RANBP3: variants seen among roughly 807,000 people sequenced by gnomAD.
The protein encoded by RANBP3 is ran-binding protein 3.
Under a neutral mutation model 77.3 loss-of-function variants are expected in RANBP3, and 14 were observed. The observed-to-expected ratio is 0.18, with a 90% CI of 0.12 to 0.28. The LOEUF (loss-of-function observed/expected upper bound fraction) is 0.28, where lower values mean the gene tolerates loss of function less well. Ranked by LOEUF, RANBP3 falls within the 10% of genes least tolerant of loss-of-function variation. The pLI, the probability that RANBP3 is intolerant of heterozygous loss-of-function variation, is 1.00. For missense variants in RANBP3, 586 were observed against 752.3 expected (o/e 0.78, Z 2.59); for synonymous variants, 315 against 312.4 (o/e 1.01, Z -0.09).
intron 3 of RANBP3, among the ~76,000 whole-genome samples, chr19:5,947,476 C>A (rs1009321122): frequency 6.6e-6 from 1 of 152,198 alleles, no homozygotes; most frequent in Non-Finnish European, 1.5e-5. Flanking sequence ...CTAGACTCTA[C>A]TGCTGCGAGG....
intron 5 of RANBP3, chr19:5,935,829 G>A (rs1341206166): frequency 2.2e-6 from 1 of 456,622 alleles, no homozygotes. Flanking sequence ...ATTCCTTCCA[G>A]AAATTTTCTT....
chr19:5,927,933 A>G (rs1233782128), intron 9 of RANBP3, 35 bp downstream of exon 9: 1 of 1,579,060 alleles, frequency 6.3e-7, no homozygotes, highest in Non-Finnish European at 8.6e-7. Context: ...GGGAAGGCAT[A>G]AAAAGTCAAT....
rs1343714521 is a variant in RANBP3 at position 5,917,201 on chromosome 19, C to G, written c.*409G>C. ...CAGGGGCAGAGGGCTGGCTGCTCCC[C>G]ACAAAGGCAGGGCCCCACAGCAGGG... On this transcript the variant is annotated 3_prime_UTR_variant, in exon 17 of 17. Transcript: ENST00000340578. The G allele has an allele frequency of 3.4e-6, 1 of 290,194 alleles. No individual in the cohort carries two copies. Among genetic ancestry groups the G allele is most frequent in the African/African-American group, 2.3e-5 (1 of 44,086 alleles). The allele number at this position is 290,194 out of a possible 1,614,324, so 18.0% of individuals were successfully genotyped here.
rs201076938 is a variant in RANBP3, at chr19:5,917,852, G to A, written c.1602C>T (p.Asn534=). 1.2e-5 allele frequency: 20 copies of A among 1,612,834 alleles called. No individual in the cohort carries two copies. The East Asian group carries it at 1.6e-4, about 13-fold the overall frequency. Residue 534 remains asparagine, a synonymous_variant, in exon 16 of 17, where the codon AAC becomes AAT. Transcript: ENST00000340578. ...PAPEPGAAPS[N]EEDDSDDDDV... ...CGTCATCGTCGCTGTCGTCCTCCTCGTTGGATGGGGCTGCCCCAGGCTCAG... is the reference window on the plus strand; with the variant it reads ...CGTCATCGTCGCTGTCGTCCTCCTCATTGGATGGGGCTGCCCCAGGCTCAG...
chr19:5,926,275 G>C (rs967184749), intron 9 of RANBP3, among the ~76,000 whole-genome samples: 1 of 152,142 alleles, frequency 6.6e-6, no homozygotes, highest in Middle Eastern at 3.2e-3. Flanking sequence ...GGCTGGGCGC[G>C]GTGGCTCGTG....
chr19:5,957,899 G>C lies in RANBP3; in HGVS notation c.78+19C>G. 1 of 1,613,338 alleles carries C rather than the reference G, an allele frequency of 6.2e-7. No homozygotes were observed. The highest frequency in any genetic ancestry group is 8.5e-7 in the Non-Finnish European group (1 of 1,179,382). ...AAATTAGAGTAACGAAGTGAAGAGA[G>C]AACGTACCGGCCCCTTACCTTTTGT... On this transcript the variant is annotated intron_variant, in intron 2 of 16. Coordinates refer to ENST00000340578, the MANE Select transcript of RANBP3 (RefSeq NM_007322.3).
intron 16 of RANBP3, 42 bp downstream of exon 16, chr19:5,917,752 A>T (rs1247516992): frequency 6.3e-7 from 1 of 1,586,894 alleles, no homozygotes; most frequent in East Asian, 2.3e-5. Context: ...GATGGCGGGC[A>T]GCTCTTTCTA....
Position 5,959,472 on chromosome 19 carries a change from G to A in RANBP3, c.23-1499C>T, listed in dbSNP as rs768684052. Among the ~76,000 whole-genome samples the A allele has an allele frequency of 1.3e-5, 2 of 151,976 alleles. No individual in the cohort carries two copies. Among genetic ancestry groups the A allele is most frequent in the South Asian group, 2.1e-4 (1 of 4,826 alleles). Reference sequence around the variant, plus strand: ...CCCCCACCATGCTCCCCGAAGCCTCGGCACACCAGGGTCTGATTCACCGTG... The same window carrying A: ...CCCCCACCATGCTCCCCGAAGCCTCAGCACACCAGGGTCTGATTCACCGTG... On this transcript the variant is annotated intron_variant, in intron 1 of 16. Transcript: ENST00000340578. The surrounding 1 kb of genome is among the most constrained non-coding windows in gnomAD (Gnocchi z 5.1).
intron 2 of RANBP3, among the ~76,000 whole-genome samples, chr19:5,956,361 C>G (rs1224598551): frequency 6.6e-6 from 1 of 152,158 alleles, no homozygotes; most frequent in African/African-American, 2.4e-5. Flanking sequence ...ATGCACCAGT[C>G]CTTTCGTACT....
intron 1 of RANBP3, among the ~76,000 whole-genome samples, chr19:5,975,857 A>T (rs954364838): frequency 6.6e-6 from 1 of 151,728 alleles, no homozygotes; most frequent in East Asian, 1.9e-4. Context: ...AAAAGGCTAA[A>T]AGCGGGGAGT....
chr19:5,933,532 G>A, intron 5 of RANBP3, 53 bp from the exon 6 acceptor site: 1 of 1,527,602 alleles, frequency 6.5e-7, no homozygotes. Context: ...CTGGGGCTGG[G>A]CCTGGGGGGC....
At chr19:5,933,109 T>A in intron 6 of RANBP3, 1 of 381,674 alleles carries the variant, frequency 2.6e-6, no homozygotes, top group Non-Finnish European at 4.8e-6. Flanking sequence ...GGCCAGAACA[T>A]GAAGGACAGA....
Position 5,952,752 on chromosome 19 carries a change from A to C in RANBP3, c.79-1156T>G, listed in dbSNP as rs1056533231. ...ACAGAAAGAGGATGTAAGAGAATGT[A>C]CACAAATTCCTAGGAAAGCAAAAGC... On this transcript the variant is annotated intron_variant, in intron 2 of 16. Coordinates refer to ENST00000340578, the MANE Select transcript of RANBP3 (RefSeq NM_007322.3). The surrounding 1 kb of genome is among the most constrained non-coding windows in gnomAD (Gnocchi z 4.1). Among the ~76,000 whole-genome samples the C allele has an allele frequency of 6.6e-6, 1 of 152,218 alleles. No homozygotes were observed. The highest frequency in any genetic ancestry group is 6.5e-5 in the Admixed American group (1 of 15,282).
rs2058288267 is a variant in RANBP3 at position 5,952,558 on chromosome 19, C to A, written c.79-962G>T. Among the ~76,000 whole-genome samples, 1 of 152,222 alleles carries A rather than the reference C, an allele frequency of 6.6e-6. No individual in the cohort carries two copies. Among genetic ancestry groups the A allele is most frequent in the African/African-American group, 2.4e-5 (1 of 41,452 alleles). ...CCCCAAACCTCCCTCTTGGCATCGT[C>A]CAACGACATGGAGCCATTTCTCGCA... is the stretch of plus-strand genomic sequence containing the variant. On this transcript the variant is annotated intron_variant, in intron 2 of 16. Coordinates refer to ENST00000340578, the MANE Select transcript of RANBP3 (RefSeq NM_007322.3). The surrounding 1 kb of genome is among the most constrained non-coding windows in gnomAD (Gnocchi z 4.1).
chr19:5,962,304 T>C (rs2058413670), intron 1 of RANBP3, among the ~76,000 whole-genome samples: 1 of 152,064 alleles, frequency 6.6e-6, no homozygotes, highest in South Asian at 2.1e-4. Flanking sequence ...AACATCTGAC[T>C]GAAAGGGAGG....
chr19:5,953,741 GA>G (rs1464051675), intron 2 of RANBP3, among the ~76,000 whole-genome samples: 3 of 152,146 alleles, frequency 2.0e-5, no homozygotes, highest in Non-Finnish European at 4.4e-5. Context: ...TTTTGCCCCG[GA>G]AACAATGGTG....
intron 9 of RANBP3, among the ~76,000 whole-genome samples, chr19:5,927,505 T>C (rs544998320): frequency 3.1e-4 from 48 of 152,386 alleles, no homozygotes; most frequent in Admixed American, 2.2e-3. Flanking sequence ...CCAGTGATGC[T>C]GCTCAGCACC....
At chr19:5,977,371 C>T (rs187189053) in intron 1 of RANBP3, among the ~76,000 whole-genome samples, 16 of 152,246 alleles carry the variant, frequency 1.1e-4, no homozygotes, top group Admixed American at 2.6e-4. Flanking sequence ...AGAGGAGGGA[C>T]TCGCACGGTC....
At chr19:5,938,417 TG>T (rs2058093018) in intron 5 of RANBP3, among the ~76,000 whole-genome samples, 1 of 152,082 alleles carries the variant, frequency 6.6e-6, no homozygotes, top group Non-Finnish European at 1.5e-5. Context: ...GGGCCAGACG[TG>T]GTGGCTCACG....
Sources: gnomAD v4.1 joint callset for allele counts (sites outside exome capture counted in the v4.1 genomes callset) on GRCh38, gnomAD v4.1.1 for gene constraint, Gnocchi (gnomAD v3.1) non-coding constraint, MANE v1.5 for transcripts, NCBI Gene and HGNC (gene_info 2026-07-23, HGNC 2026-07-21) for gene names.